The following MAP7 variants were observed in gnomAD, a reference collection of about 807,000 sequenced individuals.
MAP7 encodes the protein ensconsin.
A neutral mutation model predicts 94.8 loss-of-function variants in MAP7; 52 were observed. That is an observed-to-expected ratio of 0.55 (90% CI 0.44 to 0.69). The LOEUF is 0.69. Among genes scored for constraint, MAP7 ranks in the 30% least tolerant of loss-of-function variants. The pLI, the probability that MAP7 is intolerant of heterozygous loss-of-function variation, is 0.00. For synonymous variants in MAP7, 350 were observed against 357.0 expected (o/e 0.98, Z 0.22); for missense variants, 940 against 964.6 (o/e 0.97, Z 0.34).
At chr6:136,406,110 G>T (rs572208562) in intron 3 of MAP7, among the ~76,000 whole-genome samples, 1 of 152,226 alleles carries the variant, frequency 6.6e-6, no homozygotes, top group East Asian at 1.9e-4. Flanking sequence ...TTATGTTGTT[G>T]CATAAATTCT....
intron 1 of MAP7, among the ~76,000 whole-genome samples, chr6:136,436,983 G>A (rs1156822546): frequency 6.6e-6 from 1 of 152,082 alleles, no homozygotes; most frequent in East Asian, 1.9e-4. Flanking sequence ...AGCAGTTTGA[G>A]TTCTAATATA....
chr6:136,461,405 A>G (rs536776579), intron 1 of MAP7, among the ~76,000 whole-genome samples: 1 of 152,352 alleles, frequency 6.6e-6, no homozygotes, highest in South Asian at 2.1e-4. Flanking sequence ...AAGGCTCAAT[A>G]AAACATTATA....
Position 136,458,742 on chromosome 6 carries a change from C to T in MAP7, c.68-36943G>A, listed in dbSNP as rs189587443. ...GCTTAAGGAAGAAATTAGACCTATACACAAAAATCAGCTCAAAATGGATTA... is the reference window on the plus strand; with the variant it reads ...GCTTAAGGAAGAAATTAGACCTATATACAAAAATCAGCTCAAAATGGATTA... On this transcript the variant is annotated intron_variant, in intron 1 of 17. Coordinates refer to ENST00000354570, the MANE Select transcript of MAP7 (RefSeq NM_003980.6). Among the ~76,000 whole-genome samples the T allele has an allele frequency of 4.6e-4, 70 of 152,044 alleles. 1 individual carries two copies. Among genetic ancestry groups the T allele is most frequent in the Middle Eastern group, 3.4e-3 (1 of 294 alleles).
At chr6:136,402,355 T>C (rs1784329054) in intron 3 of MAP7, among the ~76,000 whole-genome samples, 1 of 152,228 alleles carries the variant, frequency 6.6e-6, no homozygotes, top group Non-Finnish European at 1.5e-5. Context: ...CCAAGCATAG[T>C]GATTCACACT....
intron 2 of MAP7, among the ~76,000 whole-genome samples, chr6:136,418,158 C>T (rs1790113661): frequency 6.6e-6 from 1 of 152,178 alleles, no homozygotes; most frequent in Non-Finnish European, 1.5e-5. Flanking sequence ...TAACACAGAA[C>T]ATAGTGTGCT....
At chr6:136,429,711 C>T (rs933700222) in intron 1 of MAP7, among the ~76,000 whole-genome samples, 6 of 152,230 alleles carry the variant, frequency 3.9e-5, no homozygotes, top group Admixed American at 2.0e-4. Flanking sequence ...TGACACATTG[C>T]GCTGACAGGA....
chr6:136,466,636 A>C (rs1807199041), intron 1 of MAP7: 1 of 819,460 alleles, frequency 1.2e-6, no homozygotes, highest in Non-Finnish European at 1.8e-6. Context: ...AAAGATTAGA[A>C]GATTTCCTAC....
rs747333121 is a variant in MAP7, at chr6:136,485,555, AT to A, written c.68-63757del. Among the ~76,000 whole-genome samples, 790 of 98,090 alleles carry A rather than the reference AT, an allele frequency of 8.1e-3. 3 individuals are homozygous for A. Among genetic ancestry groups the A allele is most frequent in the African/African-American group, 0.026 (577 of 22,374 alleles). The allele number at this position is 98,090 out of a possible 152,430, so 64.4% of individuals were successfully genotyped here. Reference sequence around the variant, plus strand: ...GACTTAATGATCAATTCCACTTCAGATTTTTTTTTTTTTTTTTTTTTTTTTG... The same window carrying A: ...GACTTAATGATCAATTCCACTTCAGATTTTTTTTTTTTTTTTTTTTTTTTG... On this transcript the variant is annotated intron_variant, in intron 1 of 17. Transcript: ENST00000354570.
At chr6:136,485,707 C>T (rs1435751019) in intron 1 of MAP7, among the ~76,000 whole-genome samples, 2 of 150,540 alleles carry the variant, frequency 1.3e-5, no homozygotes, top group African/African-American at 2.4e-5. Flanking sequence ...GGACTACAGG[C>T]GCCCGCCACT....
intron 7 of MAP7, among the ~76,000 whole-genome samples, chr6:136,374,536 C>T (rs1052024946): frequency 6.6e-6 from 1 of 152,144 alleles, no homozygotes; most frequent in African/African-American, 2.4e-5. Context: ...GGCCATGGGT[C>T]TGACACTGAA....
intron 1 of MAP7, among the ~76,000 whole-genome samples, chr6:136,469,082 C>T (rs144876802): frequency 1.6e-3 from 250 of 151,960 alleles, no homozygotes; most frequent in African/African-American, 5.7e-3. Context: ...TTTTTGTATA[C>T]GACAAGTGGC....
chr6:136,430,707 C>T (rs1020194075), intron 1 of MAP7, among the ~76,000 whole-genome samples: 7 of 152,152 alleles, frequency 4.6e-5, no homozygotes, highest in African/African-American at 9.7e-5. Context: ...TATGGGCCAA[C>T]GCATTCTCCC....
chr6:136,447,591 A>G (rs572972899), intron 1 of MAP7, among the ~76,000 whole-genome samples: 6 of 152,352 alleles, frequency 3.9e-5, no homozygotes, highest in Non-Finnish European at 5.9e-5. Flanking sequence ...TTGAATTAAG[A>G]TTTATACTTT....
chr6:136,496,397 G>A (rs547750669), intron 1 of MAP7, among the ~76,000 whole-genome samples: 1 of 151,326 alleles, frequency 6.6e-6, no homozygotes, highest in South Asian at 2.1e-4. Context: ...ACTACATGGA[G>A]TTAACACTCA....
At chr6:136,543,255 A>G (rs1701393222) in intron 1 of MAP7, among the ~76,000 whole-genome samples, 2 of 152,236 alleles carry the variant, frequency 1.3e-5, no homozygotes, top group South Asian at 4.1e-4. Context: ...ATGGCAAACT[A>G]CTTCATCAAG....
chr6:136,383,813 G>T (rs755441499), intron 5 of MAP7, 32 bp from the exon 6 acceptor site: 2 of 1,310,618 alleles, frequency 1.5e-6, no homozygotes, highest in Non-Finnish European at 2.2e-6. Flanking sequence ...CTAATTGACA[G>T]CCAACATGTA....
intron 8 of MAP7, 42 bp from the exon 9 acceptor site, chr6:136,366,481 G>T: frequency 7.4e-7 from 1 of 1,345,418 alleles, no homozygotes; most frequent in Non-Finnish European, 1.1e-6. Context: ...TTCCACAAGC[G>T]AGGCAAACAC....
intron 1 of MAP7, among the ~76,000 whole-genome samples, chr6:136,494,339 A>G (rs1168529064): frequency 6.6e-6 from 1 of 152,164 alleles, no homozygotes; most frequent in African/African-American, 2.4e-5. Context: ...TGAGTCTTTT[A>G]TTTATTGTAA....
chr6:136,402,889 G>A (rs1172291864), intron 3 of MAP7, among the ~76,000 whole-genome samples: 2 of 119,388 alleles, frequency 1.7e-5, no homozygotes, highest in Admixed American at 1.9e-4. Context: ...CTGGGCGAAA[G>A]AGCAAGACTC....
Sources: allele counts gnomAD v4.1 joint callset (sites outside exome capture counted in the v4.1 genomes callset), GRCh38; gene constraint gnomAD v4.1.1; transcripts MANE v1.5; gene names NCBI Gene and HGNC (gene_info 2026-07-23, HGNC 2026-07-21).